AQR: variants seen among roughly 807,000 people sequenced by gnomAD.
AQR encodes RNA helicase aquarius.
In AQR, 61 loss-of-function variants were observed where a neutral mutation model predicts 180.5. The observed-to-expected ratio is 0.34, with a 90% CI of 0.28 to 0.42. The LOEUF (loss-of-function observed/expected upper bound fraction) is 0.42, where lower values mean the gene tolerates loss of function less well. Among genes scored for constraint, AQR ranks in the 10% least tolerant of loss-of-function variants. The pLI is 1.00. For missense variants in AQR, 1,281 were observed against 1,798.3 expected (o/e 0.71, Z 5.20); for synonymous variants, 551 against 588.8 (o/e 0.94, Z 0.93).
chr15:34,941,037 C>A (rs1459566077), intron 7 of AQR, 38 bp from the exon 8 acceptor site: 1 of 1,390,016 alleles, frequency 7.2e-7, no homozygotes, highest in Non-Finnish European at 1.0e-6. Flanking sequence ...CCAGTAGCCT[C>A]AAAGTTTACA....
At chr15:34,932,828 G>A (rs935385340) in intron 10 of AQR, among the ~76,000 whole-genome samples, 1 of 151,982 alleles carries the variant, frequency 6.6e-6, no homozygotes, top group Non-Finnish European at 1.5e-5. Flanking sequence ...GGTGATGGGC[G>A]CCTGTAATCC....
At chr15:34,876,642 T>C (rs978108941) in intron 27 of AQR, among the ~76,000 whole-genome samples, 3 of 152,170 alleles carry the variant, frequency 2.0e-5, no homozygotes, top group African/African-American at 7.2e-5. Context: ...AAGGCACTTA[T>C]ACAACTCCTT....
intron 2 of AQR, among the ~76,000 whole-genome samples, 179 bp from the exon 3 acceptor site, chr15:34,960,993 TTA>T (rs1465049319): frequency 6.6e-6 from 1 of 152,058 alleles, no homozygotes. Flanking sequence ...AAATATGAAA[TTA>T]ACAGAAAGCA....
rs773195563 is a variant in AQR at position 34,952,937 on chromosome 15, A to T, written c.174-17T>A. On this transcript the variant is annotated splice_polypyrimidine_tract_variant and intron_variant, in intron 3 of 34. Coordinates refer to ENST00000156471, the MANE Select transcript of AQR (RefSeq NM_014691.3). ...ATAGCAAACCTGAAAACATAAAAATAAATAAAATGTTTAAAATAGAGAATA... is the reference window on the plus strand; with the variant it reads ...ATAGCAAACCTGAAAACATAAAAATTAATAAAATGTTTAAAATAGAGAATA... 2 of 1,343,682 alleles carry T rather than the reference A, an allele frequency of 1.5e-6. No homozygotes were observed. The highest frequency in any genetic ancestry group is 1.0e-6 in the Non-Finnish European group (1 of 962,488). 83.2% of individuals were successfully genotyped at this position (1,343,682 alleles called of 1,614,324 possible).
chr15:34,882,465 TAAAAAA>T, intron 27 of AQR, 31 bp downstream of exon 27: 1 of 1,199,552 alleles, frequency 8.3e-7, no homozygotes, highest in Non-Finnish European at 1.1e-6. Flanking sequence ...CTGATAATCT[TAAAAAA>T]AAAAAAAAAA....
intron 15 of AQR, among the ~76,000 whole-genome samples, chr15:34,917,763 G>A (rs755821009): frequency 4.0e-5 from 6 of 150,530 alleles, no homozygotes; most frequent in Non-Finnish European, 5.9e-5. Context: ...TGGGCAGATC[G>A]CTTGAGCTCA....
intron 10 of AQR, among the ~76,000 whole-genome samples, 176 bp from the exon 11 acceptor site, chr15:34,932,610 G>T (rs139185321): frequency 1.3e-5 from 2 of 152,066 alleles, no homozygotes; most frequent in African/African-American, 4.8e-5. Flanking sequence ...TAAACCCAGT[G>T]GCAATGTTTT....
intron 24 of AQR, 124 bp downstream of exon 24, chr15:34,890,091 A>C: frequency 2.6e-6 from 2 of 771,778 alleles, no homozygotes; most frequent in Non-Finnish European, 4.0e-6. Context: ...TAGTCTTAGT[A>C]AGTTAAGTTA....
chr15:34,910,325 G>C lies in AQR; in HGVS notation c.1485-12C>G. 1 of 1,607,910 alleles carries C rather than the reference G, an allele frequency of 6.2e-7. No homozygotes were observed. The highest frequency in any genetic ancestry group is 8.5e-7 in the Non-Finnish European group (1 of 1,175,268). On this transcript the variant is annotated splice_polypyrimidine_tract_variant and intron_variant, in intron 16 of 34. Transcript: ENST00000156471. ...CATATTCAGATTGCCTGAAACCAAA[G>C]AAATGGATGATTACTCAAACAAAAA... is the stretch of plus-strand genomic sequence containing the variant.
chr15:34,891,343 C>G (rs970838394), intron 23 of AQR, among the ~76,000 whole-genome samples: 5 of 152,138 alleles, frequency 3.3e-5, no homozygotes, highest in African/African-American at 9.7e-5. Context: ...AAAACCCCCA[C>G]AAACTTGCAC....
At position 34,913,193 on chromosome 15, in the gene AQR, C is replaced by T. The variant is rs117506979; in HGVS notation, c.1484+1845G>A. Among the ~76,000 whole-genome samples, 49 of 152,284 alleles carry T rather than the reference C, an allele frequency of 3.2e-4. No homozygotes were observed. In the East Asian group the frequency reaches 8.7e-3, roughly 27 times the overall value. On this transcript the variant is annotated intron_variant, in intron 16 of 34. Coordinates refer to ENST00000156471, the MANE Select transcript of AQR (RefSeq NM_014691.3). ...AAGATCCCTCTTGTCCAGTTGCAGT[C>T]AATCCCTGTTACCAAACCCAAGCAA...
rs781197195 is a variant in AQR, at chr15:34,910,166, A to G, written c.1632T>C (p.Asn544=). The G allele has an allele frequency of 6.2e-7, 1 of 1,614,206 alleles. No individual in the cohort carries two copies. The highest frequency in any genetic ancestry group is 8.5e-7 in the Non-Finnish European group (1 of 1,180,020). Residue 544 remains asparagine, a synonymous_variant, in exon 17 of 35, where the codon AAT becomes AAC. Transcript: ENST00000156471. ...RVRADVTINL[N]VRDHIKDEWE... ...ATTCATCTTTGATGTGATCTCTGAC[A>G]TTGAGATTTATGGTAACATCTGCAC...
chr15:34,910,604 T>C (rs1893486191), intron 16 of AQR, among the ~76,000 whole-genome samples: 1 of 152,166 alleles, frequency 6.6e-6, no homozygotes, highest in Non-Finnish European at 1.5e-5. Flanking sequence ...AAGCTAACCC[T>C]ATGTACATAA....
At chr15:34,945,474 A>G (rs1284811469) in intron 5 of AQR, among the ~76,000 whole-genome samples, 1 of 152,148 alleles carries the variant, frequency 6.6e-6, no homozygotes, top group Non-Finnish European at 1.5e-5. Context: ...CTAAATCTGT[A>G]TTATCATTTC....
intron 13 of AQR, among the ~76,000 whole-genome samples, chr15:34,925,549 A>C (rs1038633841): frequency 6.6e-6 from 1 of 152,188 alleles, no homozygotes; most frequent in Non-Finnish European, 1.5e-5. Context: ...TTAAAGATTC[A>C]CCAAAAGGAG....
At chr15:34,918,760 T>C (rs1017584668) in intron 14 of AQR, among the ~76,000 whole-genome samples, 1 of 152,246 alleles carries the variant, frequency 6.6e-6, no homozygotes, top group African/African-American at 2.4e-5. Flanking sequence ...CCATGACACT[T>C]AGCATTAATC....
At chr15:34,953,259 A>G (rs1437466309) in intron 3 of AQR, among the ~76,000 whole-genome samples, 1 of 152,178 alleles carries the variant, frequency 6.6e-6, no homozygotes, top group African/African-American at 2.4e-5. Flanking sequence ...GAAATATCAG[A>G]TATTTGTCTT....
chr15:34,962,986 T>C (rs1482354488), intron 2 of AQR, among the ~76,000 whole-genome samples: 2 of 151,968 alleles, frequency 1.3e-5, no homozygotes, highest in Non-Finnish European at 2.9e-5. Flanking sequence ...AAGACCTCAC[T>C]CTCTTTAAGG....
chr15:34,958,121 T>C (rs761009362), intron 3 of AQR, among the ~76,000 whole-genome samples: 6 of 152,092 alleles, frequency 3.9e-5, no homozygotes, highest in Non-Finnish European at 7.4e-5. Context: ...GGCAGGGGAA[T>C]GGCGTGGACC....
Sources: gnomAD v4.1 joint callset for allele counts (sites outside exome capture counted in the v4.1 genomes callset) on GRCh38, gnomAD v4.1.1 for gene constraint, MANE v1.5 for transcripts, NCBI Gene and HGNC (gene_info 2026-07-23, HGNC 2026-07-21) for gene names.